DDC: variants seen among roughly 807,000 people sequenced by gnomAD.
The protein encoded by DDC is aromatic-L-amino-acid decarboxylase.
Under a neutral mutation model 60.0 loss-of-function variants are expected in DDC, and 43 were observed. The observed-to-expected ratio is 0.72, with a 90% CI of 0.56 to 0.92. The LOEUF (loss-of-function observed/expected upper bound fraction) is 0.92, where lower values mean the gene tolerates loss of function less well. Ranked by LOEUF, DDC falls within the 40% of genes least tolerant of loss-of-function variation. DDC has a pLI of 0.00. For synonymous variants in DDC, 232 were observed against 234.6 expected (o/e 0.99, Z 0.10); for missense variants, 573 against 620.2 (o/e 0.92, Z 0.81).
chr7:50,527,157 A>T (rs1428764525), intron 6 of DDC, among the ~76,000 whole-genome samples: 1 of 152,180 alleles, frequency 6.6e-6, no homozygotes, highest in Non-Finnish European at 1.5e-5. Context: ...TCCCACTGGA[A>T]TGTTGCCTTT....
At chr7:50,472,251 G>A (rs1562984740) in intron 11 of DDC, among the ~76,000 whole-genome samples, 1 of 152,166 alleles carries the variant, frequency 6.6e-6, no homozygotes, top group Non-Finnish European at 1.5e-5. Context: ...CACCTGGCTT[G>A]GCATGGCGCG....
chr7:50,498,815 G>C (rs1031837256), intron 8 of DDC, among the ~76,000 whole-genome samples: 1 of 152,008 alleles, frequency 6.6e-6, no homozygotes, highest in Non-Finnish European at 1.5e-5. Context: ...ATTGCGGGTT[G>C]GTATTTTAAA....
intron 4 of DDC, among the ~76,000 whole-genome samples, chr7:50,535,484 G>A (rs1482631042): frequency 6.6e-6 from 1 of 152,156 alleles, no homozygotes; most frequent in African/African-American, 2.4e-5. Context: ...TATCACTTAT[G>A]TCTGATGGAA....
chr7:50,526,498 A>G (rs900936848), intron 6 of DDC, among the ~76,000 whole-genome samples: 1 of 152,214 alleles, frequency 6.6e-6, no homozygotes, highest in African/African-American at 2.4e-5. Flanking sequence ...AAATGCAGAG[A>G]TAAGAAAATG....
At chr7:50,468,126 G>A (rs2153533937) in intron 12 of DDC, among the ~76,000 whole-genome samples, 1 of 152,380 alleles carries the variant, frequency 6.6e-6, no homozygotes, top group Admixed American at 6.5e-5. Context: ...GAGGACCTGC[G>A]GAAACGCGGC....
At chr7:50,555,075 C>T (rs763897251) in intron 1 of DDC, among the ~76,000 whole-genome samples, 3 of 152,134 alleles carry the variant, frequency 2.0e-5, no homozygotes, top group Non-Finnish European at 2.9e-5. Flanking sequence ...AGACTGTGCT[C>T]CTGGAACCAG....
chr7:50,562,428 T>C (rs927477710), intron 1 of DDC, among the ~76,000 whole-genome samples: 30 of 152,258 alleles, frequency 2.0e-4, no homozygotes, highest in African/African-American at 6.5e-4. Flanking sequence ...GCAAGGTGGC[T>C]CATCCCCCCA....
chr7:50,546,043 A>T (rs1243656018), intron 1 of DDC, among the ~76,000 whole-genome samples: 1 of 152,172 alleles, frequency 6.6e-6, no homozygotes, highest in East Asian at 1.9e-4. Context: ...CAGAAATAGG[A>T]TTCAAATTTA....
intron 1 of DDC, among the ~76,000 whole-genome samples, chr7:50,545,010 T>G (rs568961437): frequency 6.6e-6 from 1 of 152,292 alleles, no homozygotes; most frequent in East Asian, 1.9e-4. Context: ...GCACGTCTTG[T>G]GCATAGGATG....
At chr7:50,516,015 T>C (rs201997612) in intron 6 of DDC, among the ~76,000 whole-genome samples, 1 of 152,128 alleles carries the variant, frequency 6.6e-6, no homozygotes, top group African/African-American at 2.4e-5. Flanking sequence ...ACTAGACAGG[T>C]CATCAAGACA....
chr7:50,515,908 G>A (rs1440495289), intron 6 of DDC, among the ~76,000 whole-genome samples: 2 of 152,304 alleles, frequency 1.3e-5, no homozygotes, highest in East Asian at 3.9e-4. Context: ...CCTATTACTA[G>A]AGTTCCCAAA....
intron 6 of DDC, among the ~76,000 whole-genome samples, chr7:50,525,832 A>G (rs1282978400): frequency 6.6e-6 from 1 of 152,136 alleles, no homozygotes; most frequent in Non-Finnish European, 1.5e-5. Context: ...TGACATATTT[A>G]TCAGCTAGGC....
At chr7:50,551,292 G>A (rs1403806088) in intron 1 of DDC, among the ~76,000 whole-genome samples, 1 of 148,270 alleles carries the variant, frequency 6.7e-6, no homozygotes, top group African/African-American at 2.5e-5. Context: ...GTGCAGTGGT[G>A]TGATCTGGGC....
rs193191821 is a variant in DDC at position 50,468,048 on chromosome 7, C to T, written c.1141-733G>A. Among the ~76,000 whole-genome samples, 12 of 152,396 alleles carry T rather than the reference C, an allele frequency of 7.9e-5. No individual in the cohort carries two copies. In the East Asian group the frequency reaches 1.7e-3, roughly 22 times the overall value. ...TCCTAGGAGAAGGAGCCCTCCGTGG[C>T]GTAGGCCCGTGCCTTGCTCATTCTA... On this transcript the variant is annotated intron_variant, in intron 12 of 14. Coordinates refer to ENST00000444124, the MANE Select transcript of DDC (RefSeq NM_001082971.2).
chr7:50,536,356 ACCACC>A (rs2044411634), intron 4 of DDC, among the ~76,000 whole-genome samples: 1 of 152,196 alleles, frequency 6.6e-6, no homozygotes, highest in Non-Finnish European at 1.5e-5. Flanking sequence ...GCTGTGCCCA[ACCACC>A]TTGGGCACAT....
At chr7:50,476,585 C>T (rs1378181532) in intron 11 of DDC, 39 bp downstream of exon 11, 1 of 1,588,618 alleles carries the variant, frequency 6.3e-7, no homozygotes, top group Admixed American at 1.7e-5. Context: ...CCCCAGCACT[C>T]CACTAGCATT....
intron 9 of DDC, among the ~76,000 whole-genome samples, chr7:50,486,364 G>A (rs1293669561): frequency 6.6e-6 from 1 of 152,216 alleles, no homozygotes; most frequent in Non-Finnish European, 1.5e-5. Flanking sequence ...GTGGAATGAA[G>A]AAAATAAGTT....
intron 8 of DDC, among the ~76,000 whole-genome samples, 195 bp downstream of exon 8, chr7:50,498,953 G>A (rs749109386): frequency 8.6e-5 from 13 of 151,638 alleles, no homozygotes; most frequent in Admixed American, 1.3e-4. Context: ...AGTGTCAGGA[G>A]TATTTCAGGA....
chr7:50,470,447 C>A (rs2042504740), intron 11 of DDC, among the ~76,000 whole-genome samples: 2 of 152,234 alleles, frequency 1.3e-5, no homozygotes. Context: ...TTGCGGCATG[C>A]ACAGCAGGGC....
Sources: gnomAD v4.1 joint callset for allele counts (sites outside exome capture counted in the v4.1 genomes callset) on GRCh38, gnomAD v4.1.1 for gene constraint, MANE v1.5 for transcripts, NCBI Gene and HGNC (gene_info 2026-07-23, HGNC 2026-07-21) for gene names.